The following ZNF804B variants were observed in gnomAD, a reference collection of about 807,000 sequenced individuals.
The protein encoded by ZNF804B is zinc finger protein 804B, also known as zinc finger 804B.
In ZNF804B, 80 loss-of-function variants were observed where a neutral mutation model predicts 101.4. The observed-to-expected ratio is 0.79, with a 90% CI of 0.66 to 0.95. ZNF804B has a LOEUF of 0.95. Ranked by LOEUF, ZNF804B falls within the 40% of genes least tolerant of loss-of-function variation. The probability of loss-of-function intolerance (pLI) is 0.00; values close to 1 mark genes in which losing one functional copy is unlikely to be tolerated. For missense variants in ZNF804B, 1,673 were observed against 1,561.9 expected, an observed-to-expected ratio of 1.07 and a Z score of -1.20; for synonymous variants, 622 against 558.8, an observed-to-expected ratio of 1.11 and a Z score of -1.59.
At chr7:89,199,709 T>C (rs1056329203) in intron 1 of ZNF804B, among the ~76,000 whole-genome samples, 5 of 151,816 alleles carry the variant, frequency 3.3e-5, no homozygotes, top group Admixed American at 2.0e-4. Flanking sequence ...TAATAACTAG[T>C]TTCAAAACTC....
intron 1 of ZNF804B, among the ~76,000 whole-genome samples, chr7:89,015,096 A>C (rs951457057): frequency 1.1e-4 from 17 of 152,194 alleles, no homozygotes; most frequent in African/African-American, 4.1e-4. Context: ...AGAACAACTT[A>C]AGAGGGTGTA....
At chr7:88,826,309 A>T (rs2115771650) in intron 1 of ZNF804B, among the ~76,000 whole-genome samples, 1 of 152,258 alleles carries the variant, frequency 6.6e-6, no homozygotes, top group South Asian at 2.1e-4. Flanking sequence ...AACAAATTTT[A>T]GTTTTGAAAA....
intron 1 of ZNF804B, among the ~76,000 whole-genome samples, chr7:89,174,331 G>A (rs1255616253): frequency 6.6e-6 from 1 of 151,978 alleles, no homozygotes; most frequent in Non-Finnish European, 1.5e-5. Context: ...TCCCACAAAT[G>A]AGTGAGAGCA....
chr7:89,160,080 T>C (rs1307337873), intron 1 of ZNF804B, among the ~76,000 whole-genome samples: 2 of 152,182 alleles, frequency 1.3e-5, no homozygotes, highest in Non-Finnish European at 2.9e-5. Context: ...ACAATAGTAA[T>C]TCCAAGGTAA....
At chr7:89,129,753 C>T (rs1244115058) in intron 1 of ZNF804B, among the ~76,000 whole-genome samples, 1 of 151,942 alleles carries the variant, frequency 6.6e-6, no homozygotes, top group African/African-American at 2.4e-5. Flanking sequence ...ATTAAGCAGT[C>T]TGCTAGGAAA....
At chr7:88,940,054 T>A (rs182382265) in intron 1 of ZNF804B, among the ~76,000 whole-genome samples, 1 of 152,112 alleles carries the variant, frequency 6.6e-6, no homozygotes, top group African/African-American at 2.4e-5. Flanking sequence ...ATTCATGTAT[T>A]TGAAAGAACT....
At chr7:88,881,469 G>T (rs1792028493) in intron 1 of ZNF804B, among the ~76,000 whole-genome samples, 1 of 151,986 alleles carries the variant, frequency 6.6e-6, no homozygotes, top group Non-Finnish European at 1.5e-5. Flanking sequence ...AGATTTCATG[G>T]TCTAAGAATA....
At chr7:89,313,280 C>T (rs1333564597) in intron 2 of ZNF804B, among the ~76,000 whole-genome samples, 5 of 152,102 alleles carry the variant, frequency 3.3e-5, no homozygotes, top group Admixed American at 3.3e-4. Context: ...TGACCTTTTG[C>T]CTTGGCGTTT....
At chr7:89,185,587 G>A (rs1788364336) in intron 1 of ZNF804B, among the ~76,000 whole-genome samples, 1 of 152,144 alleles carries the variant, frequency 6.6e-6, no homozygotes, top group Non-Finnish European at 1.5e-5. Flanking sequence ...CTGGTCGGGC[G>A]CGGTGGCTCA....
intron 1 of ZNF804B, among the ~76,000 whole-genome samples, chr7:88,874,808 C>T (rs945730523): frequency 6.6e-6 from 1 of 151,318 alleles, no homozygotes; most frequent in African/African-American, 2.4e-5. Context: ...ACCAAGCGGA[C>T]CTAATAGACA....
chr7:89,017,539 T>C lies in ZNF804B; in HGVS notation c.109-200616T>C, dbSNP rs189463984. 7.2e-5 allele frequency among the ~76,000 whole-genome samples: 11 copies of C among 152,288 alleles called. No homozygotes were observed. The East Asian group carries it at 2.1e-3, about 29-fold the overall frequency. On this transcript the variant is annotated intron_variant, in intron 1 of 3. Coordinates refer to ENST00000333190, the MANE Select transcript of ZNF804B (RefSeq NM_181646.5). ...CACATGGAGTTGAGGATTATTTATT[T>C]TTCTTTTTCTGTGAAGAATATCATT...
intron 1 of ZNF804B, among the ~76,000 whole-genome samples, chr7:89,087,835 CAGA>C (rs756876410): frequency 1.3e-5 from 2 of 151,762 alleles, no homozygotes; most frequent in African/African-American, 2.4e-5. Context: ...ATGTACTGGG[CAGA>C]GTCCTCTCTT....
chr7:89,327,317 C>T (rs557625422), intron 2 of ZNF804B, 27 bp from the exon 3 acceptor site: 1 of 1,565,934 alleles, frequency 6.4e-7, no homozygotes, highest in East Asian at 2.3e-5. Flanking sequence ...ATTTATAGTA[C>T]CTTTTTGGTT....
chr7:88,809,347 CTATCTAT>C (rs1790746075), intron 1 of ZNF804B, among the ~76,000 whole-genome samples: 3 of 150,070 alleles, frequency 2.0e-5, no homozygotes, highest in Non-Finnish European at 4.4e-5. Context: ...ATCTATCTAT[CTATCTAT>C]CTACCTATCT....
chr7:88,961,273 T>G (rs1793382101), intron 1 of ZNF804B, among the ~76,000 whole-genome samples: 1 of 151,404 alleles, frequency 6.6e-6, no homozygotes, highest in Admixed American at 6.6e-5. Context: ...TGTTAGAATT[T>G]TTAGTGTCTT....
chr7:88,854,492 CTTTCCTTTCCTTTCCTTTCCTTTCCT>C (rs1791514663), intron 1 of ZNF804B, among the ~76,000 whole-genome samples: 1 of 57,720 alleles, frequency 1.7e-5, no homozygotes, highest in African/African-American at 1.2e-4. Context: ...CTTTCCTTTC[CTTTCCTTTCCTTTCCTTTCCTTTCCT>C]TTCCTTCCTT....
intron 1 of ZNF804B, among the ~76,000 whole-genome samples, chr7:88,885,092 T>G (rs1223481358): frequency 6.6e-6 from 1 of 152,008 alleles, no homozygotes; most frequent in African/African-American, 2.4e-5. Flanking sequence ...CTACTTGAAA[T>G]GCAGCATTAG....
intron 1 of ZNF804B, among the ~76,000 whole-genome samples, chr7:88,892,770 G>T (rs141973423): frequency 6.6e-6 from 1 of 151,812 alleles, no homozygotes; most frequent in African/African-American, 2.4e-5. Context: ...TGGTCACTTC[G>T]TTCCTGGAAA....
At chr7:89,295,702 A>C (rs1479838136) in intron 2 of ZNF804B, among the ~76,000 whole-genome samples, 1 of 152,166 alleles carries the variant, frequency 6.6e-6, no homozygotes, top group Non-Finnish European at 1.5e-5. Flanking sequence ...TCCTAAAAAT[A>C]TATTTGACTT....
Sources: allele counts gnomAD v4.1 joint callset (sites outside exome capture counted in the v4.1 genomes callset), GRCh38; gene constraint gnomAD v4.1.1; transcripts MANE v1.5; gene names NCBI Gene and HGNC (gene_info 2026-07-23, HGNC 2026-07-21).